The following LHCGR variants were observed in gnomAD, a reference collection of about 807,000 sequenced individuals.
LHCGR encodes lutropin-choriogonadotropic hormone receptor.
In LHCGR, 55 loss-of-function variants were observed where a neutral mutation model predicts 60.7. That is an observed-to-expected ratio of 0.91 (90% CI 0.73 to 1.13). The LOEUF (loss-of-function observed/expected upper bound fraction) is 1.13, where lower values mean the gene tolerates loss of function less well. LHCGR is among the 50% of genes most tolerant of loss of function. LHCGR has a pLI of 0.00. For missense variants in LHCGR, 862 were observed against 836.0 expected (o/e 1.03, Z -0.38); for synonymous variants, 337 against 316.5 (o/e 1.06, Z -0.69).
intron 8 of LHCGR, among the ~76,000 whole-genome samples, chr2:48,702,261 A>G (rs1032531227): frequency 6.4e-5 from 9 of 139,902 alleles, no homozygotes; most frequent in Non-Finnish European, 1.3e-4. Flanking sequence ...TTTCTCATGT[A>G]TCTTTTTTTT....
At chr2:48,698,898 G>T (rs1194131362) in intron 8 of LHCGR, 98 bp from the exon 9 acceptor site, 3 of 988,424 alleles carry the variant, frequency 3.0e-6, no homozygotes, top group Non-Finnish European at 4.5e-6. Context: ...CTGGAGTGCA[G>T]TGGCACGACC....
intron 8 of LHCGR, among the ~76,000 whole-genome samples, chr2:48,699,737 G>A (rs953740293): frequency 1.4e-4 from 22 of 152,208 alleles, no homozygotes; most frequent in African/African-American, 4.6e-4. Flanking sequence ...CAAAGCAAGC[G>A]AACACTCAGC....
At chr2:48,722,557 G>C (rs1157655754) in intron 6 of LHCGR, among the ~76,000 whole-genome samples, 1 of 152,106 alleles carries the variant, frequency 6.6e-6, no homozygotes. Flanking sequence ...GTTCTCATGA[G>C]ATCTGATTGT....
chr2:48,725,290 G>A (rs1668667889), intron 4 of LHCGR, among the ~76,000 whole-genome samples: 1 of 152,126 alleles, frequency 6.6e-6, no homozygotes, highest in African/African-American at 2.4e-5. Flanking sequence ...CTCTTAACCC[G>A]TGATGAGAGT....
At chr2:48,704,142 T>G (rs1667545723) in intron 8 of LHCGR, among the ~76,000 whole-genome samples, 1 of 152,236 alleles carries the variant, frequency 6.6e-6, no homozygotes, top group Non-Finnish European at 1.5e-5. Context: ...TCTATTGAGA[T>G]AATCATGTGT....
At chr2:48,715,903 G>T (rs1668226219) in intron 6 of LHCGR, among the ~76,000 whole-genome samples, 1 of 152,096 alleles carries the variant, frequency 6.6e-6, no homozygotes, top group South Asian at 2.1e-4. Context: ...TTAAACTCCT[G>T]GGGCCTCACA....
In LHCGR at chr2:48,741,025, C is replaced by T. The variant is rs567823411; in HGVS notation, c.162-9727G>A. Among the ~76,000 whole-genome samples, 962 of 151,434 alleles carry T rather than the reference C, an allele frequency of 6.4e-3. 4 individuals carry two copies. Among genetic ancestry groups the T allele is most frequent in the African/African-American group, 0.022 (927 of 41,212 alleles). On this transcript the variant is annotated intron_variant, in intron 1 of 10. Coordinates refer to ENST00000294954, the MANE Select transcript of LHCGR (RefSeq NM_000233.4). ...GCTGATGGAGCTGAAAACCAAGGCTCGAGAACTACATGAAGAATGCAGAAG... is the reference window on the plus strand; with the variant it reads ...GCTGATGGAGCTGAAAACCAAGGCTTGAGAACTACATGAAGAATGCAGAAG...
intron 10 of LHCGR, among the ~76,000 whole-genome samples, chr2:48,691,946 A>G (rs901659399): frequency 4.6e-5 from 7 of 152,140 alleles, no homozygotes; most frequent in African/African-American, 1.2e-4. Flanking sequence ...GACTTGTCCA[A>G]GGTCTCTTGG....
At position 48,723,685 on chromosome 2, in the gene LHCGR, T is replaced by C. The variant is rs762195465; in HGVS notation, c.395A>G (p.Asn132Ser). 52 of 1,612,818 alleles carry C rather than the reference T, an allele frequency of 3.2e-5. No homozygotes were observed. The highest frequency in any genetic ancestry group is 4.0e-5 in the African/African-American group (3 of 74,888). Residue 132 changes from asparagine to serine, a missense_variant, in exon 5 of 11, where the codon AAC becomes AGC. Asn to Ser is a conservative substitution (Grantham distance 46). Transcript: ENST00000294954. ...LPRLKYLSIC[N>S]TGIRKFPDVT... Reference sequence around the variant, plus strand: ...ATCTGGAAACTTTCTGATGCCTGTGTTACAGATGCTCCTGTGATTAGGGAC... The same window carrying C: ...ATCTGGAAACTTTCTGATGCCTGTGCTACAGATGCTCCTGTGATTAGGGAC...
intron 10 of LHCGR, 109 bp downstream of exon 10, chr2:48,694,115 A>C: frequency 1.3e-6 from 1 of 770,518 alleles, no homozygotes; most frequent in Non-Finnish European, 2.2e-6. Context: ...GTTGCTTTGC[A>C]ACAGCTCCGT....
chr2:48,755,497 C>G lies in LHCGR; in HGVS notation c.161+14G>C. On this transcript the variant is annotated intron_variant, in intron 1 of 10. Transcript: ENST00000294954. The stretch of plus-strand genomic sequence containing the variant: ...TGCATCAAGGGCGCCGCGACGGGAG[C>G]GCTGTGTACTCACAGTCGAGTGAGA... 1 of 1,511,202 alleles carries G rather than the reference C, an allele frequency of 6.6e-7. No homozygotes were observed. 93.6% of individuals were successfully genotyped at this position (1,511,202 alleles called of 1,614,324 possible).
chr2:48,694,119 G>A, intron 10 of LHCGR, 105 bp downstream of exon 10: 1 of 785,136 alleles, frequency 1.3e-6, no homozygotes, highest in South Asian at 1.5e-5. Context: ...CTTTGCAACA[G>A]CTCCGTAACC....
chr2:48,740,617 C>G (rs1377399073), intron 1 of LHCGR, among the ~76,000 whole-genome samples: 2 of 152,100 alleles, frequency 1.3e-5, no homozygotes, highest in African/African-American at 4.8e-5. Context: ...TCCAACAGAC[C>G]TGCAGCTGAG....
chr2:48,732,304 A>G (rs1669029377), intron 1 of LHCGR, among the ~76,000 whole-genome samples: 1 of 152,232 alleles, frequency 6.6e-6, no homozygotes, highest in Admixed American at 6.5e-5. Context: ...TGTGAGTATC[A>G]GGAATATGAG....
At chr2:48,717,135 G>A (rs75096949) in intron 6 of LHCGR, among the ~76,000 whole-genome samples, 18,285 of 152,182 alleles carry the variant, frequency 0.12, 1,322 homozygotes, top group Middle Eastern at 0.23. Context: ...AGTGATGATC[G>A]CACTACACAT....
chr2:48,732,581 AC>A (rs746173527), intron 1 of LHCGR, among the ~76,000 whole-genome samples: 2 of 152,164 alleles, frequency 1.3e-5, no homozygotes, highest in African/African-American at 2.4e-5. Flanking sequence ...AGTAACCTGA[AC>A]AAGGTTACAA....
intron 1 of LHCGR, among the ~76,000 whole-genome samples, chr2:48,734,983 G>A (rs1669153160): frequency 1.3e-5 from 2 of 152,212 alleles, no homozygotes; most frequent in South Asian, 4.1e-4. Context: ...GAACTATGCA[G>A]CTACTTAAAT....
At chr2:48,742,087 G>A in intron 1 of LHCGR, among the ~76,000 whole-genome samples, 1 of 151,946 alleles carries the variant, frequency 6.6e-6, no homozygotes, top group Non-Finnish European at 1.5e-5. Flanking sequence ...GATCAAAAGA[G>A]ACAAAAAAGG....
intron 1 of LHCGR, 40 bp downstream of exon 1, chr2:48,755,471 C>A: frequency 7.6e-7 from 1 of 1,320,706 alleles, no homozygotes; most frequent in Non-Finnish European, 1.1e-6. Context: ...ATGGAGGGTC[C>A]TGCATCAAGG....
Sources: allele counts gnomAD v4.1 joint callset (sites outside exome capture counted in the v4.1 genomes callset), GRCh38; gene constraint gnomAD v4.1.1; transcripts MANE v1.5; gene names NCBI Gene and HGNC (gene_info 2026-07-23, HGNC 2026-07-21).